ATF6: variants seen among roughly 807,000 people sequenced by gnomAD.
The protein encoded by ATF6 is activating transcription factor 6.
A neutral mutation model predicts 83.6 loss-of-function variants in ATF6; 53 were observed. That is an observed-to-expected ratio of 0.63 (90% CI 0.51 to 0.80). The LOEUF (loss-of-function observed/expected upper bound fraction) is 0.80. ATF6 is among the 30% of genes least tolerant of loss of function. The pLI, the probability that ATF6 is intolerant of heterozygous loss-of-function variation, is 0.00. For synonymous variants in ATF6, 288 were observed against 285.8 expected (o/e 1.01, Z -0.08); for missense variants, 744 against 797.9 (o/e 0.93, Z 0.81).
chr1:161,931,732 C>A (rs1441703952), intron 15 of ATF6, among the ~76,000 whole-genome samples: 1 of 152,050 alleles, frequency 6.6e-6, no homozygotes, highest in East Asian at 1.9e-4. Context: ...GATAATTTAT[C>A]TTTTTATTGA....
intron 14 of ATF6, among the ~76,000 whole-genome samples, chr1:161,872,250 G>A (rs10918103): frequency 0.14 from 21,513 of 151,546 alleles, 2,093 homozygotes; most frequent in East Asian, 0.31. Flanking sequence ...TTGTGACATC[G>A]TTTAGAAATA....
At chr1:161,892,092 A>G (rs1282891874) in intron 14 of ATF6, 1 of 152,082 alleles carries the variant, frequency 6.6e-6, no homozygotes, top group Admixed American at 6.5e-5. Flanking sequence ...TTACAGCATC[A>G]TTTTTCTTTT....
chr1:161,819,764 A>G lies in ATF6; in HGVS notation c.1041A>G (p.Gln347=), dbSNP rs1451403684. The part of the protein sequence containing the change: ...RLKAALSENE[Q]LKKENGTLKR... ...AGGCTGCCCTCTCAGAAAACGAGCA[A>G]CTGAAGAAAGAAAATGGAACACTGA... Residue 347 remains glutamine, a synonymous_variant, in exon 8 of 16, where the codon CAA becomes CAG. Transcript: ENST00000367942. 6.2e-7 allele frequency: 1 copy of G among 1,612,702 alleles called. No homozygotes were observed. Among genetic ancestry groups the G allele is most frequent in the African/African-American group, 1.3e-5 (1 of 74,796 alleles).
chr1:161,898,314 A>G (rs1687715118), intron 14 of ATF6, among the ~76,000 whole-genome samples: 1 of 152,170 alleles, frequency 6.6e-6, no homozygotes, highest in Non-Finnish European at 1.5e-5. Flanking sequence ...CATATGCTTT[A>G]TAAACCAAAT....
chr1:161,867,804 AG>A (rs1445888230), intron 14 of ATF6, among the ~76,000 whole-genome samples: 2 of 152,244 alleles, frequency 1.3e-5, no homozygotes, highest in African/African-American at 4.8e-5. Context: ...ATATTACAGA[AG>A]AATCTGAGCT....
chr1:161,913,516 C>T (rs543774299), intron 15 of ATF6, among the ~76,000 whole-genome samples: 1 of 152,102 alleles, frequency 6.6e-6, no homozygotes, highest in East Asian at 1.9e-4. Context: ...ACTTCATAGA[C>T]ATAAACATAA....
intron 15 of ATF6, among the ~76,000 whole-genome samples, chr1:161,935,930 G>T (rs779332148): frequency 1.1e-4 from 17 of 152,256 alleles, no homozygotes; most frequent in Non-Finnish European, 2.5e-4. Context: ...TACTGCTCCA[G>T]AATCTGTGCT....
In ATF6 at chr1:161,963,117, G is replaced by T. The variant is rs1044371443; in HGVS notation, c.*4463G>T. On this transcript the variant is annotated 3_prime_UTR_variant, in exon 16 of 16. Coordinates refer to ENST00000367942, the MANE Select transcript of ATF6 (RefSeq NM_007348.4). ...ATACTAGACTACCCAAAAAGATGTTGCCAGAATCCAAAAGGAACTATGCTC... is the reference window on the plus strand; with the variant it reads ...ATACTAGACTACCCAAAAAGATGTTTCCAGAATCCAAAAGGAACTATGCTC... The T allele has an allele frequency of 6.6e-6, 1 of 152,166 alleles. No homozygotes were observed. The highest frequency in any genetic ancestry group is 2.4e-5 in the African/African-American group (1 of 41,514). The allele number at this position is 152,166 out of a possible 1,614,324, so 9.4% of individuals were successfully genotyped here.
At chr1:161,934,821 CAG>C (rs1460978406) in intron 15 of ATF6, among the ~76,000 whole-genome samples, 2 of 152,132 alleles carry the variant, frequency 1.3e-5, no homozygotes, top group South Asian at 2.1e-4. Flanking sequence ...TTCCTAGAAA[CAG>C]GGGAAGAGTC....
At chr1:161,942,379 C>T (rs945896351) in intron 15 of ATF6, among the ~76,000 whole-genome samples, 1 of 152,192 alleles carries the variant, frequency 6.6e-6, no homozygotes, top group Non-Finnish European at 1.5e-5. Flanking sequence ...TTCCTGTGCT[C>T]CAGAATGCAG....
At chr1:161,835,416 T>G (rs550333965) in intron 9 of ATF6, among the ~76,000 whole-genome samples, 1 of 152,144 alleles carries the variant, frequency 6.6e-6, no homozygotes, top group African/African-American at 2.4e-5. Flanking sequence ...TGAAGTCTGA[T>G]AGGGTAGGTC....
Position 161,958,821 on chromosome 1 carries a change from T to A in ATF6, c.*167T>A, listed in dbSNP as rs1689022774. 5.2e-6 allele frequency: 3 copies of A among 576,450 alleles called. No individual in the cohort carries two copies. The highest frequency in any genetic ancestry group is 5.5e-5 in the South Asian group (2 of 36,532). 35.7% of individuals were successfully genotyped at this position (576,450 alleles called of 1,614,324 possible). On this transcript the variant is annotated 3_prime_UTR_variant, in exon 16 of 16. Coordinates refer to ENST00000367942, the MANE Select transcript of ATF6 (RefSeq NM_007348.4). ...AGAAGCTGCTCCATTTTTCATCATC[T>A]ACCCATCTATTTGGAAAGCACTGGA...
At chr1:161,845,582 A>G (rs1286034340) in intron 9 of ATF6, among the ~76,000 whole-genome samples, 1 of 152,080 alleles carries the variant, frequency 6.6e-6, no homozygotes, top group Non-Finnish European at 1.5e-5. Flanking sequence ...AGTCTGGGCA[A>G]CATAGTGAGA....
chr1:161,883,248 T>G (rs1687356007), intron 14 of ATF6, among the ~76,000 whole-genome samples: 1 of 151,952 alleles, frequency 6.6e-6, no homozygotes, highest in Non-Finnish European at 1.5e-5. Flanking sequence ...AATCAGAAAC[T>G]TGAAAGGAAG....
chr1:161,780,744 C>G (rs192536021), intron 2 of ATF6, among the ~76,000 whole-genome samples: 1 of 152,254 alleles, frequency 6.6e-6, no homozygotes, highest in Non-Finnish European at 1.5e-5. Flanking sequence ...GGGTCTGGCT[C>G]TGTCTCCCAG....
chr1:161,943,026 T>G (rs1688680922), intron 15 of ATF6, among the ~76,000 whole-genome samples: 1 of 152,228 alleles, frequency 6.6e-6, no homozygotes, highest in Non-Finnish European at 1.5e-5. Context: ...CGGCTAATTT[T>G]TGTATTTTTA....
chr1:161,904,720 C>T (rs555262224), intron 14 of ATF6, among the ~76,000 whole-genome samples: 6 of 152,188 alleles, frequency 3.9e-5, no homozygotes, highest in South Asian at 2.1e-4. Context: ...TTAGAAAGTA[C>T]ACCCTATGTG....
chr1:161,869,028 A>G (rs547842003), intron 14 of ATF6, among the ~76,000 whole-genome samples: 1 of 152,060 alleles, frequency 6.6e-6, no homozygotes, highest in Non-Finnish European at 1.5e-5. Context: ...AAGCAGTAGG[A>G]GCCAGAAACT....
intron 14 of ATF6, among the ~76,000 whole-genome samples, chr1:161,873,978 T>C (rs771803598): frequency 5.3e-5 from 8 of 151,746 alleles, no homozygotes; most frequent in Non-Finnish European, 8.9e-5. Context: ...GATAAAGAAA[T>C]TGTGATAGTC....
Sources: allele counts gnomAD v4.1 joint callset (sites outside exome capture counted in the v4.1 genomes callset), GRCh38; gene constraint gnomAD v4.1.1; transcripts MANE v1.5; gene names NCBI Gene and HGNC (gene_info 2026-07-23, HGNC 2026-07-21).